Variants in TTC17 observed in about 807,000 individuals in gnomAD.
The protein encoded by TTC17 is tetratricopeptide repeat domain 17.
In TTC17, 58 loss-of-function variants were observed where a neutral mutation model predicts 143.8. The ratio of observed to expected loss-of-function variants is 0.40; its 90% CI spans 0.33 to 0.50. The LOEUF (loss-of-function observed/expected upper bound fraction) is 0.50. Among genes scored for constraint, TTC17 ranks in the 20% least tolerant of loss-of-function variants. The pLI is 0.49. For synonymous variants in TTC17, 501 were observed against 497.8 expected (o/e 1.01, Z -0.09); for missense variants, 1,273 against 1,392.5 (o/e 0.91, Z 1.37).
chr11:43,398,615 A>T (rs1018091216), intron 8 of TTC17, among the ~76,000 whole-genome samples: 1 of 152,162 alleles, frequency 6.6e-6, no homozygotes, highest in Admixed American at 6.5e-5. Flanking sequence ...TTTAATCATG[A>T]TTGTGTGTTA....
intron 10 of TTC17, among the ~76,000 whole-genome samples, chr11:43,402,755 G>A (rs915501313): frequency 6.6e-5 from 10 of 152,130 alleles, no homozygotes; most frequent in Non-Finnish European, 1.3e-4. Context: ...AAGCATTTCA[G>A]AAAACTGATA....
intron 21 of TTC17, among the ~76,000 whole-genome samples, chr11:43,481,377 G>A (rs1200202150): frequency 2.0e-5 from 3 of 152,126 alleles, no homozygotes; most frequent in Admixed American, 2.0e-4. Context: ...TTTTTGTGAA[G>A]TTTTGGTATC....
chr11:43,483,876 T>G (rs773525080), intron 21 of TTC17, among the ~76,000 whole-genome samples: 81 of 152,324 alleles, frequency 5.3e-4, no homozygotes, highest in Non-Finnish European at 8.4e-4. Context: ...GCGCAGTGGC[T>G]CACGCCTGTA....
intron 21 of TTC17, among the ~76,000 whole-genome samples, chr11:43,468,558 T>TC (rs777007404): frequency 1.3e-5 from 2 of 152,190 alleles, no homozygotes; most frequent in Non-Finnish European, 2.9e-5. Flanking sequence ...CATAAGATGT[T>TC]CTCTTTAAGT....
chr11:43,492,232 T>C (rs1279453433), intron 23 of TTC17, 69 bp downstream of exon 23: 2 of 1,537,282 alleles, frequency 1.3e-6, no homozygotes, highest in East Asian at 2.3e-5. Flanking sequence ...TTTCAAAACC[T>C]CTTTGAATAT....
At chr11:43,436,421 T>G in intron 16 of TTC17, 1 of 1,156,000 alleles carries the variant, frequency 8.7e-7, no homozygotes, top group Non-Finnish European at 1.1e-6. Flanking sequence ...TTTAAGAATT[T>G]GTTTTCTTCT....
chr11:43,475,811 ATAATGTTGT>A (rs1948174236), intron 21 of TTC17, among the ~76,000 whole-genome samples: 1 of 152,190 alleles, frequency 6.6e-6, no homozygotes, highest in Non-Finnish European at 1.5e-5. Context: ...ACTATTTTCA[ATAATGTTGT>A]TAATGATATT....
chr11:43,457,053 T>C (rs1379968147), intron 21 of TTC17, among the ~76,000 whole-genome samples: 1 of 152,114 alleles, frequency 6.6e-6, no homozygotes, highest in African/African-American at 2.4e-5. Context: ...TGGGGATCTC[T>C]AACAGGAAAA....
chr11:43,399,806 C>A, intron 8 of TTC17, 82 bp from the exon 9 acceptor site: 2 of 1,412,534 alleles, frequency 1.4e-6, no homozygotes, highest in East Asian at 2.4e-5. Context: ...TGCTGAGAAC[C>A]AGAAAAATCT....
At chr11:43,482,891 T>C (rs1468822832) in intron 21 of TTC17, among the ~76,000 whole-genome samples, 1 of 152,086 alleles carries the variant, frequency 6.6e-6, no homozygotes, top group Non-Finnish European at 1.5e-5. Context: ...AACAAAGATA[T>C]AATAGAGAAG....
intron 1 of TTC17, among the ~76,000 whole-genome samples, chr11:43,367,897 G>A (rs1856413234): frequency 6.6e-6 from 1 of 152,032 alleles, no homozygotes; most frequent in African/African-American, 2.4e-5. Flanking sequence ...CTAATCTTAA[G>A]TTCTTAGCAG....
intron 18 of TTC17, among the ~76,000 whole-genome samples, chr11:43,445,682 AAAGTG>A (rs1947524875): frequency 6.6e-6 from 1 of 152,216 alleles, no homozygotes; most frequent in Non-Finnish European, 1.5e-5. Context: ...TATTGGCATT[AAAGTG>A]AAAAGCTCTA....
intron 18 of TTC17, chr11:43,446,102 A>G: frequency 6.9e-7 from 1 of 1,455,130 alleles, no homozygotes; most frequent in Non-Finnish European, 9.1e-7. Context: ...TGTGGTGTAC[A>G]AGACCCTTTA....
intron 2 of TTC17, among the ~76,000 whole-genome samples, chr11:43,389,306 T>G (rs1318734630): frequency 6.6e-6 from 1 of 152,204 alleles, no homozygotes; most frequent in East Asian, 1.9e-4. Context: ...ACATGTACTA[T>G]GTCTTGAAGG....
intron 21 of TTC17, among the ~76,000 whole-genome samples, chr11:43,469,402 A>G (rs1256314259): frequency 6.6e-6 from 1 of 152,186 alleles, no homozygotes; most frequent in Non-Finnish European, 1.5e-5. Context: ...TGACCACAAA[A>G]TACTTGGAAA....
At position 43,414,396 on chromosome 11, in the gene TTC17, A is replaced by G. The variant is rs150280509; in HGVS notation, c.2065-194A>G. On this transcript the variant is annotated intron_variant, in intron 15 of 23. Transcript: ENST00000039989. The stretch of plus-strand genomic sequence containing the variant: ...ATATTACATACTTTATATATTTTTT[A>G]TCTTAGCAAAAAAAGTGAACACATT... 4.7e-3 allele frequency among the ~76,000 whole-genome samples: 720 copies of G among 152,222 alleles called. 5 individuals carry two copies. Among genetic ancestry groups the G allele is most frequent in the African/African-American group, 0.017 (695 of 41,536 alleles).
intron 16 of TTC17, chr11:43,435,129 A>AGATAGATC (rs1466816812): frequency 6.8e-6 from 1 of 147,240 alleles, no homozygotes; most frequent in African/African-American, 2.5e-5. Context: ...ATAGATAGAT[A>AGATAGATC]GATCGGTCTA....
chr11:43,363,754 A>AATG (rs1156403890), intron 1 of TTC17, among the ~76,000 whole-genome samples: 1 of 152,216 alleles, frequency 6.6e-6, no homozygotes, highest in African/African-American at 2.4e-5. Flanking sequence ...AGTAAGTAAA[A>AATG]ATGGATTAGT....
intron 3 of TTC17, among the ~76,000 whole-genome samples, 171 bp downstream of exon 3, chr11:43,389,992 T>C (rs1425767278): frequency 1.3e-5 from 2 of 152,220 alleles, no homozygotes; most frequent in African/African-American, 4.8e-5. Context: ...TAATTTAAAA[T>C]ATTTAACACC....
Sources: allele counts gnomAD v4.1 joint callset (sites outside exome capture counted in the v4.1 genomes callset), GRCh38; gene constraint gnomAD v4.1.1; transcripts MANE v1.5; gene names NCBI Gene and HGNC (gene_info 2026-07-23, HGNC 2026-07-21).